The following EFHC1 variants were observed in gnomAD, a reference collection of about 807,000 sequenced individuals.
The protein encoded by EFHC1 is EF-hand domain containing 1, also known as EF-hand domain-containing protein 1.
A neutral mutation model predicts 69.9 loss-of-function variants in EFHC1; 53 were observed. That is an observed-to-expected ratio of 0.76 (90% confidence interval 0.61 to 0.95). EFHC1 has a LOEUF of 0.95. Ranked by LOEUF, EFHC1 falls within the 40% of genes least tolerant of loss-of-function variation. The pLI, the probability that EFHC1 is intolerant of heterozygous loss-of-function variation, is 0.00. For synonymous variants in EFHC1, 256 were observed against 278.4 expected (o/e 0.92, Z 0.80); for missense variants, 739 against 798.7 (o/e 0.93, Z 0.90).
chr6:52,424,282 T>A, intron 2 of EFHC1, 115 bp downstream of exon 2: 1 of 985,530 alleles, frequency 1.0e-6, no homozygotes, highest in Non-Finnish European at 1.6e-6. Flanking sequence ...GAGAAAATTG[T>A]TCAGATGCCT....
Position 52,492,250 on chromosome 6 carries a change from T to A in EFHC1, c.1852-20T>A, listed in dbSNP as rs1765920084. The A allele has an allele frequency of 6.2e-7, 1 of 1,611,746 alleles. No individual in the cohort carries two copies. Among genetic ancestry groups the A allele is most frequent in the African/African-American group, 1.3e-5 (1 of 74,994 alleles). ...AGCCCTGCAGATCTGTCTCACCTAT[T>A]CTCTTTGCTCTCTCTGCAGTTAATC... is the stretch of plus-strand genomic sequence containing the variant. On this transcript the variant is annotated intron_variant, in intron 10 of 10. Transcript: ENST00000371068.
chr6:52,440,944 G>T (rs530371180), intron 3 of EFHC1, among the ~76,000 whole-genome samples: 1 of 152,112 alleles, frequency 6.6e-6, no homozygotes, highest in Non-Finnish European at 1.5e-5. Flanking sequence ...CTTTTGAGAA[G>T]TGTCTGTTCA....
Position 52,492,201 on chromosome 6 carries a change from G to A in EFHC1, c.1852-69G>A, listed in dbSNP as rs973567951. The A allele has an allele frequency of 2.0e-5, 27 of 1,342,724 alleles. 1 individual carries two copies. Among genetic ancestry groups the A allele is most frequent in the Middle Eastern group, 1.8e-4 (1 of 5,554 alleles). 83.2% of individuals were successfully genotyped at this position (1,342,724 alleles called of 1,614,324 possible). A position where few individuals can be genotyped will look rare whatever the true frequency, so the allele number is the denominator to read the frequency against. On this transcript the variant is annotated intron_variant, in intron 10 of 10. Transcript: ENST00000371068. ...AGGCTCGGGATCATTATGCATAAGC[G>A]CACTCTGCAGTTGAGCTGACGGAAG... is the stretch of plus-strand genomic sequence containing the variant.
Position 52,496,402 on chromosome 6 carries a change from T to G in EFHC1, c.*4061T>G, listed in dbSNP as rs530974464. ...TACTCAGAAACCTGGGCCTGTACCTTGTCTGCACCATCAGGGGGCCTTGAA... is the reference window on the plus strand; with the variant it reads ...TACTCAGAAACCTGGGCCTGTACCTGGTCTGCACCATCAGGGGGCCTTGAA... On this transcript the variant is annotated 3_prime_UTR_variant, in exon 11 of 11. Coordinates refer to ENST00000371068, the MANE Select transcript of EFHC1 (RefSeq NM_018100.4). 6.6e-6 allele frequency: 1 copy of G among 152,362 alleles called. No homozygotes were observed. The highest frequency in any genetic ancestry group is 2.4e-5 in the African/African-American group (1 of 41,556). 9.4% of individuals were successfully genotyped at this position (152,362 alleles called of 1,614,324 possible). A position where few individuals can be genotyped will look rare whatever the true frequency, so the allele number is the denominator to read the frequency against.
intron 5 of EFHC1, among the ~76,000 whole-genome samples, chr6:52,461,101 G>T (rs1562455704): frequency 6.6e-6 from 1 of 151,992 alleles, no homozygotes; most frequent in African/African-American, 2.4e-5. Context: ...AAGTTCAGGG[G>T]TACATGTGCA....
At chr6:52,430,266 G>GT (rs1430608156) in intron 2 of EFHC1, 1 of 152,196 alleles carries the variant, frequency 6.6e-6, no homozygotes, top group Non-Finnish European at 1.5e-5. Context: ...AGTGGAGAGA[G>GT]TGGGCATCCT....
intron 5 of EFHC1, among the ~76,000 whole-genome samples, chr6:52,456,654 C>A (rs1397824839): frequency 6.6e-6 from 1 of 152,194 alleles, no homozygotes; most frequent in Non-Finnish European, 1.5e-5. Context: ...TGGCCGAAGC[C>A]TATAATCCCG....
At chr6:52,465,265 A>T (rs995357094) in intron 6 of EFHC1, 150 bp downstream of exon 6, 1 of 691,782 alleles carries the variant, frequency 1.4e-6, no homozygotes, top group Admixed American at 2.8e-5. Flanking sequence ...ACAAATGACA[A>T]AAAAATTATG....
At chr6:52,471,137 G>C (rs1011418517) in intron 7 of EFHC1, among the ~76,000 whole-genome samples, 4 of 152,194 alleles carry the variant, frequency 2.6e-5, no homozygotes, top group African/African-American at 9.6e-5. Context: ...TCATTTTTCC[G>C]CTAGGCGTGT....
intron 7 of EFHC1, among the ~76,000 whole-genome samples, chr6:52,470,986 C>T (rs923541457): frequency 3.3e-5 from 5 of 152,154 alleles, no homozygotes; most frequent in African/African-American, 1.2e-4. Context: ...AGCCCTCTTG[C>T]TGAGGTGTAT....
chr6:52,492,365 C>T lies in EFHC1; in HGVS notation c.*24C>T. On this transcript the variant is annotated 3_prime_UTR_variant, in exon 11 of 11. Coordinates refer to ENST00000371068, the MANE Select transcript of EFHC1 (RefSeq NM_018100.4). Reference sequence around the variant, plus strand: ...GACCTGCTGATGAGAAAATGCAAGACAATTTTTGATACTGGAACTATGCTT... The same window carrying T: ...GACCTGCTGATGAGAAAATGCAAGATAATTTTTGATACTGGAACTATGCTT... 5 of 1,605,328 alleles carry T rather than the reference C, an allele frequency of 3.1e-6. No homozygotes were observed. Among genetic ancestry groups the T allele is most frequent in the Non-Finnish European group, 4.3e-6 (5 of 1,172,488 alleles).
At position 52,495,878 on chromosome 6, in the gene EFHC1, A is replaced by G. The variant is rs528787309; in HGVS notation, c.*3537A>G. On this transcript the variant is annotated 3_prime_UTR_variant, in exon 11 of 11. Coordinates refer to ENST00000371068, the MANE Select transcript of EFHC1 (RefSeq NM_018100.4). ...ACAGCACCAACACAAGGTATAAAAG[A>G]GATTTCATGAAAGACCAAAGCCAGC... The G allele has an allele frequency of 3.3e-6, 1 of 302,576 alleles. No individual in the cohort carries two copies. Among genetic ancestry groups the G allele is most frequent in the East Asian group, 8.2e-5 (1 of 12,182 alleles). 18.7% of individuals were successfully genotyped at this position (302,576 alleles called of 1,614,324 possible).
intron 9 of EFHC1, chr6:52,484,744 G>A (rs1453845344): frequency 6.6e-6 from 1 of 152,234 alleles, no homozygotes; most frequent in Admixed American, 6.5e-5. Flanking sequence ...CAGGCAAAAG[G>A]CAGCATATGT....
chr6:52,420,747 C>G (rs1259728789), intron 1 of EFHC1, among the ~76,000 whole-genome samples: 1 of 152,148 alleles, frequency 6.6e-6, no homozygotes, highest in Non-Finnish European at 1.5e-5. Flanking sequence ...TCATTCTCAT[C>G]CCGTTAGCCG....
In EFHC1 at chr6:52,494,366, G is replaced by A. The variant is rs781243889; in HGVS notation, c.*2025G>A. 3 of 454,104 alleles carry A rather than the reference G, an allele frequency of 6.6e-6. No homozygotes were observed. Among genetic ancestry groups the A allele is most frequent in the South Asian group, 4.7e-5 (3 of 64,472 alleles). The allele number at this position is 454,104 out of a possible 1,614,324, so 28.1% of individuals were successfully genotyped here. A position where few individuals can be genotyped will look rare whatever the true frequency, so the allele number is the denominator to read the frequency against. ...GTGTGTGTATACTGGGGTGATGATA[G>A]TGGTTTCTTCTTACTCCCTTCTTTC... On this transcript the variant is annotated 3_prime_UTR_variant, in exon 11 of 11. Coordinates refer to ENST00000371068, the MANE Select transcript of EFHC1 (RefSeq NM_018100.4).
At chr6:52,427,942 C>T (rs1173536654) in intron 2 of EFHC1, among the ~76,000 whole-genome samples, 2 of 151,980 alleles carry the variant, frequency 1.3e-5, no homozygotes, top group African/African-American at 4.8e-5. Flanking sequence ...AGTTAGAAGA[C>T]CTGGATTCTA....
At position 52,441,162 on chromosome 6, in the gene EFHC1, G is replaced by A. The variant is rs1463605424; in HGVS notation, c.573+2571G>A. On this transcript the variant is annotated intron_variant, in intron 3 of 10. Transcript: ENST00000371068. ...AATTAGATACCATTTGTCAATTTTT[G>A]CTTTTGTTGTGATTGCTTTTGGTGT... is the stretch of plus-strand genomic sequence containing the variant. Among the ~76,000 whole-genome samples the A allele has an allele frequency of 1.3e-5, 2 of 151,974 alleles. 1 individual carries two copies. The highest frequency in any genetic ancestry group is 2.9e-5 in the Non-Finnish European group (2 of 67,926).
chr6:52,470,468 G>T (rs1468298193), intron 7 of EFHC1, among the ~76,000 whole-genome samples: 4 of 152,160 alleles, frequency 2.6e-5, no homozygotes, highest in African/African-American at 9.7e-5. Flanking sequence ...AGACTTTGTA[G>T]GTACTCAGTA....
At chr6:52,434,179 C>A (rs1764477624) in intron 2 of EFHC1, among the ~76,000 whole-genome samples, 1 of 152,202 alleles carries the variant, frequency 6.6e-6, no homozygotes, top group African/African-American at 2.4e-5. Flanking sequence ...TTCACACCTT[C>A]TCCCGAGTTC....
Sources: gnomAD v4.1 joint callset for allele counts (sites outside exome capture counted in the v4.1 genomes callset) on GRCh38, gnomAD v4.1.1 for gene constraint, MANE v1.5 for transcripts, NCBI Gene and HGNC (gene_info 2026-07-23, HGNC 2026-07-21) for gene names.